The following HOOK1 variants were observed in gnomAD, a reference collection of about 807,000 sequenced individuals.
HOOK1 encodes hook microtubule tethering protein 1.
Under a neutral mutation model 112.8 loss-of-function variants are expected in HOOK1, and 60 were observed. That is an observed-to-expected ratio of 0.53 (90% CI 0.43 to 0.66). The LOEUF (loss-of-function observed/expected upper bound fraction) is 0.66. Ranked by LOEUF, HOOK1 falls within the 30% of genes least tolerant of loss-of-function variation. The probability of loss-of-function intolerance (pLI) is 0.00; values close to 1 mark genes in which losing one functional copy is unlikely to be tolerated. For synonymous variants in HOOK1, 294 were observed against 283.8 expected (o/e 1.04, Z -0.36); for missense variants, 770 against 856.0 (o/e 0.90, Z 1.25).
At chr1:59,818,305 G>A (rs549655032) in intron 1 of HOOK1, among the ~76,000 whole-genome samples, 2 of 152,276 alleles carry the variant, frequency 1.3e-5, no homozygotes, top group South Asian at 4.1e-4. Flanking sequence ...TTCTTTCAGC[G>A]CTAGGAGGAG....
chr1:59,820,665 T>G (rs146164148), intron 1 of HOOK1, among the ~76,000 whole-genome samples: 273 of 152,290 alleles, frequency 1.8e-3, no homozygotes, highest in Middle Eastern at 0.01. Context: ...CCTAATTAGA[T>G]TAGTTGACAC....
intron 2 of HOOK1, among the ~76,000 whole-genome samples, chr1:59,827,577 T>C (rs939401726): frequency 2.6e-5 from 4 of 152,236 alleles, no homozygotes; most frequent in African/African-American, 9.6e-5. Context: ...GTTTCGGTAA[T>C]TGCAGACTTG....
chr1:59,847,710 A>T (rs563754870), intron 10 of HOOK1, among the ~76,000 whole-genome samples: 92 of 151,268 alleles, frequency 6.1e-4, no homozygotes, highest in Non-Finnish European at 1.2e-3. Flanking sequence ...TTTTTTGTTA[A>T]TTTTTCTTAA....
At position 59,840,315 on chromosome 1, in the gene HOOK1, G is replaced by T. The variant is rs1185876530; in HGVS notation, c.545G>T (p.Arg182Ile). 2.5e-6 allele frequency: 4 copies of T among 1,572,246 alleles called. No homozygotes were observed. Among genetic ancestry groups the T allele is most frequent in the African/African-American group, 1.4e-5 (1 of 72,562 alleles). The change falls in exon 8 of 22, where the codon AGA becomes ATA. Residue 182 changes from arginine to isoleucine, a missense_variant. Physicochemically the swap from Arg to Ile is moderately conservative, Grantham distance 97. Transcript: ENST00000371208. ...GGACATTTTGTATTTCAGCTTAAAA[G>T]AGCCTTGGAAGAACTTCAGGAAGCA... ...AVGELEQQLK[R>I]ALEELQEALA... is the part of the protein sequence containing the mutation.
chr1:59,817,699 A>G (rs892273000), intron 1 of HOOK1, among the ~76,000 whole-genome samples: 4 of 152,034 alleles, frequency 2.6e-5, no homozygotes, highest in Non-Finnish European at 5.9e-5. Context: ...TAGTTCTTCC[A>G]GTGGTTGGCT....
Position 59,874,498 on chromosome 1 carries a change from G to A in HOOK1, c.*1533G>A, listed in dbSNP as rs1644104454. 6.6e-6 allele frequency: 1 copy of A among 152,036 alleles called. No individual in the cohort carries two copies. The highest frequency in any genetic ancestry group is 6.5e-5 in the Admixed American group (1 of 15,268). The allele number at this position is 152,036 out of a possible 1,614,324, so 9.4% of individuals were successfully genotyped here. On this transcript the variant is annotated 3_prime_UTR_variant, in exon 22 of 22. Coordinates refer to ENST00000371208, the MANE Select transcript of HOOK1 (RefSeq NM_015888.6). The stretch of plus-strand genomic sequence containing the variant: ...CTATCAGCAGTGTGTTTAGACCAGG[G>A]GTCTGCAAACTTTCTGTGAATGGAC...
At chr1:59,854,044 T>A (rs1336135917) in intron 12 of HOOK1, among the ~76,000 whole-genome samples, 56 of 68,930 alleles carry the variant, frequency 8.1e-4, no homozygotes, top group East Asian at 3.2e-3. Context: ...ATATATTTTT[T>A]TTTTTTTTTT....
intron 1 of HOOK1, among the ~76,000 whole-genome samples, chr1:59,816,794 C>T (rs879839034): frequency 6.6e-6 from 1 of 152,128 alleles, no homozygotes; most frequent in Admixed American, 6.5e-5. Flanking sequence ...TAAAATTGGT[C>T]GTTTTCTTCA....
At chr1:59,837,803 G>T (rs936943477) in intron 7 of HOOK1, among the ~76,000 whole-genome samples, 2 of 151,982 alleles carry the variant, frequency 1.3e-5, no homozygotes, top group Non-Finnish European at 2.9e-5. Flanking sequence ...CCGTCAACCT[G>T]TTACCTACAT....
In HOOK1 at chr1:59,855,980, ATATATTTTTTTT is replaced by A. The variant is rs1559058055; in HGVS notation, c.1243-2446_1243-2435del. 7.4e-4 allele frequency among the ~76,000 whole-genome samples: 51 copies of A among 68,912 alleles called. 1 individual carries two copies. The highest frequency in any genetic ancestry group is 3.1e-3 in the African/African-American group (48 of 15,560). 45.2% of individuals were successfully genotyped at this position (68,912 alleles called of 152,430 possible). ...TATATAAATTATTATATATATATAT[ATATATTTTTTTT>A]TTTTTTTTTTTTTTTTTTGTAGAGA... On this transcript the variant is annotated intron_variant, in intron 12 of 21. Transcript: ENST00000371208.
At chr1:59,820,951 C>A (rs920079839) in intron 1 of HOOK1, among the ~76,000 whole-genome samples, 4 of 152,156 alleles carry the variant, frequency 2.6e-5, no homozygotes, top group African/African-American at 7.2e-5. Context: ...AGGTCTGAAT[C>A]TCCAGTTGCC....
intron 12 of HOOK1, among the ~76,000 whole-genome samples, chr1:59,850,648 G>T (rs922172754): frequency 1.3e-5 from 2 of 151,432 alleles, no homozygotes; most frequent in South Asian, 2.1e-4. Flanking sequence ...TGGTATTCTT[G>T]TTAAAAATCA....
chr1:59,829,172 C>T (rs1032742927), intron 3 of HOOK1, among the ~76,000 whole-genome samples: 3 of 152,026 alleles, frequency 2.0e-5, no homozygotes, highest in Non-Finnish European at 2.9e-5. Flanking sequence ...AATATGTACT[C>T]TTTTTGTCTA....
rs778253157 is a variant in HOOK1 at position 59,862,771 on chromosome 1, C to T, written c.1533-13C>T. On this transcript the variant is annotated splice_polypyrimidine_tract_variant and intron_variant, in intron 15 of 21. Coordinates refer to ENST00000371208, the MANE Select transcript of HOOK1 (RefSeq NM_015888.6). ...TCAATACAAGTAAATGCTTATGACC[C>T]ATCTTACAATAGGCTGAGCAAAGAG... is the stretch of plus-strand genomic sequence containing the variant. The T allele has an allele frequency of 1.5e-5, 23 of 1,538,648 alleles. No individual in the cohort carries two copies. Among genetic ancestry groups the T allele is most frequent in the Non-Finnish European group, 2.0e-5 (22 of 1,112,394 alleles).
At chr1:59,854,800 T>G (rs2098409629) in intron 12 of HOOK1, among the ~76,000 whole-genome samples, 1 of 152,248 alleles carries the variant, frequency 6.6e-6, no homozygotes, top group Non-Finnish European at 1.5e-5. Context: ...ACTTTGAATT[T>G]GTTGAATTTC....
At chr1:59,859,906 TAAC>T (rs2098412664) in intron 14 of HOOK1, among the ~76,000 whole-genome samples, 1 of 152,116 alleles carries the variant, frequency 6.6e-6, no homozygotes, top group African/African-American at 2.4e-5. Context: ...AATGGCATAA[TAAC>T]AATTTAATGA....
intron 4 of HOOK1, 120 bp from the exon 5 acceptor site, chr1:59,833,285 A>G (rs978613285): frequency 5.2e-6 from 4 of 774,514 alleles, no homozygotes; most frequent in African/African-American, 1.8e-5. Context: ...TTTATTTGTC[A>G]TTTGTTATTT....
intron 7 of HOOK1, among the ~76,000 whole-genome samples, chr1:59,839,068 G>C (rs982515231): frequency 1.3e-5 from 2 of 152,060 alleles, no homozygotes; most frequent in Admixed American, 6.6e-5. Context: ...TATCTGTTTT[G>C]GTACCAGTAC....
chr1:59,827,188 AC>A (rs1462786313), intron 2 of HOOK1, among the ~76,000 whole-genome samples: 1 of 152,210 alleles, frequency 6.6e-6, no homozygotes, highest in Non-Finnish European at 1.5e-5. Flanking sequence ...ATCTGCTGGC[AC>A]AATTTGCTCT....
Sources: allele counts gnomAD v4.1 joint callset (sites outside exome capture counted in the v4.1 genomes callset), GRCh38; gene constraint gnomAD v4.1.1; transcripts MANE v1.5; gene names NCBI Gene and HGNC (gene_info 2026-07-23, HGNC 2026-07-21).